MED13L: variants seen among roughly 807,000 people sequenced by gnomAD.
MED13L encodes mediator complex subunit 13L, also known as mediator of RNA polymerase II transcription subunit 13-like.
In MED13L, 7 loss-of-function variants were observed where a neutral mutation model predicts 220.9. The observed-to-expected ratio is 0.03, with a 90% CI of 0.02 to 0.06. MED13L has a LOEUF of 0.06. MED13L is among the 10% of genes least tolerant of loss of function. The probability of loss-of-function intolerance (pLI) is 1.00; values close to 1 mark genes in which losing one functional copy is unlikely to be tolerated. For synonymous variants in MED13L, 1,011 were observed against 1,015.2 expected, an observed-to-expected ratio of 1.00 and a Z score of 0.08; for missense variants, 1,965 against 2,760.5, an observed-to-expected ratio of 0.71 and a Z score of 6.46.
Position 116,062,784 on chromosome 12 carries a change from T to C in MED13L, c.479+33885A>G, listed in dbSNP as rs186478786. Among the ~76,000 whole-genome samples, 459 of 152,212 alleles carry C rather than the reference T, an allele frequency of 3.0e-3. 1 individual carries two copies. Among genetic ancestry groups the C allele is most frequent in the African/African-American group, 0.011 (438 of 41,534 alleles). On this transcript the variant is annotated intron_variant, in intron 4 of 30. Coordinates refer to ENST00000281928, the MANE Select transcript of MED13L (RefSeq NM_015335.5). ...AAAACAGAGGGGGAAAACACCAAAG[T>C]GGCCCAGGTTGGAGTGAAAGCTTTT...
At chr12:116,096,069 T>G (rs1042298903) in intron 4 of MED13L, among the ~76,000 whole-genome samples, 1 of 152,058 alleles carries the variant, frequency 6.6e-6, no homozygotes, top group African/African-American at 2.4e-5. Context: ...AAATCAATGA[T>G]GAGGCCGGGC....
chr12:116,097,252 T>G (rs1228806483), intron 3 of MED13L, among the ~76,000 whole-genome samples: 1 of 152,048 alleles, frequency 6.6e-6, no homozygotes, highest in Non-Finnish European at 1.5e-5. Flanking sequence ...TTCAAGTGAT[T>G]CTCCTGTCTC....
rs1241146631 is a variant in MED13L at position 116,008,449 on chromosome 12, C to T, written c.1964G>A (p.Arg655Lys). The T allele has an allele frequency of 1.2e-6, 2 of 1,612,814 alleles. No individual in the cohort carries two copies. Among genetic ancestry groups the T allele is most frequent in the Non-Finnish European group, 1.7e-6 (2 of 1,179,900 alleles). The change falls in exon 10 of 31, where the codon AGA (arginine) becomes AAA (lysine). Residue 655 changes from arginine to lysine, a missense_variant. Arg to Lys is a conservative substitution (Grantham distance 26). Coordinates refer to ENST00000281928, the MANE Select transcript of MED13L (RefSeq NM_015335.5). ...GTTTACCTCCATTTTGGCATCACAT[C>T]TCTCACCCTGGAGCTCTGGAGGCCT... ...EFRPPELQGE[R>K]CDAKMEVNSE...
chr12:116,067,353 G>A (rs1176550904), intron 4 of MED13L, among the ~76,000 whole-genome samples: 8 of 152,140 alleles, frequency 5.3e-5, no homozygotes, highest in Admixed American at 3.9e-4. Context: ...AAGCATATAT[G>A]AAGTTGGAAT....
intron 1 of MED13L, among the ~76,000 whole-genome samples, chr12:116,254,240 C>A (rs1478239803): frequency 1.3e-5 from 2 of 151,860 alleles, no homozygotes; most frequent in Non-Finnish European, 2.9e-5. Flanking sequence ...CTAATCAATG[C>A]AATGAAGCAA....
intron 1 of MED13L, among the ~76,000 whole-genome samples, chr12:116,273,400 T>A (rs1241645141): frequency 6.6e-6 from 1 of 152,066 alleles, no homozygotes; most frequent in Non-Finnish European, 1.5e-5. Flanking sequence ...TACAAAAAAA[T>A]ACCTTGTGTA....
intron 4 of MED13L, among the ~76,000 whole-genome samples, chr12:116,029,760 T>G (rs958845851): frequency 3.3e-5 from 5 of 152,146 alleles, no homozygotes; most frequent in African/African-American, 1.2e-4. Flanking sequence ...AAAATTTGAA[T>G]AAGAAGAAAC....
At chr12:116,049,768 G>A (rs1365913586) in intron 4 of MED13L, among the ~76,000 whole-genome samples, 4 of 152,126 alleles carry the variant, frequency 2.6e-5, no homozygotes, top group African/African-American at 7.2e-5. Context: ...ATACCACACA[G>A]TGGAAGAAAA....
At chr12:116,158,112 G>A (rs1458978835) in intron 2 of MED13L, among the ~76,000 whole-genome samples, 2 of 150,270 alleles carry the variant, frequency 1.3e-5, no homozygotes, top group African/African-American at 4.9e-5. Flanking sequence ...AACCCAAACA[G>A]GAAACAGATG....
intron 2 of MED13L, among the ~76,000 whole-genome samples, chr12:116,147,987 G>A (rs1877677503): frequency 7.0e-6 from 1 of 142,076 alleles, no homozygotes; most frequent in Non-Finnish European, 1.5e-5. Flanking sequence ...GGAGGCAGGA[G>A]GTTGCAGTGA....
intron 1 of MED13L, among the ~76,000 whole-genome samples, chr12:116,243,427 TAAAC>T (rs1041637647): frequency 2.6e-5 from 4 of 152,280 alleles, no homozygotes; most frequent in African/African-American, 7.2e-5. Flanking sequence ...TCCCCTGGCC[TAAAC>T]AAACAGCTAC....
At chr12:116,169,104 A>C (rs1274652495) in intron 2 of MED13L, 1 of 152,672 alleles carries the variant, frequency 6.5e-6, no homozygotes, top group Non-Finnish European at 1.5e-5. Context: ...ACTGAGACTA[A>C]ATGATGGCAG....
intron 2 of MED13L, among the ~76,000 whole-genome samples, chr12:116,220,660 T>C (rs950012532): frequency 6.6e-5 from 10 of 152,078 alleles, no homozygotes; most frequent in Admixed American, 2.0e-4. Flanking sequence ...GATTGTGCCA[T>C]TGCACTCCAG....
rs1412585812 is a variant in MED13L, at chr12:115,961,102, A to G, written c.*164T>C. 53 of 926,906 alleles carry G rather than the reference A, an allele frequency of 5.7e-5. No homozygotes were observed. The Admixed American group carries it at 1.1e-3, about 18-fold the overall frequency. 57.4% of individuals were successfully genotyped at this position (926,906 alleles called of 1,614,324 possible). A position where few individuals can be genotyped will look rare whatever the true frequency, so the allele number is the denominator to read the frequency against. On this transcript the variant is annotated 3_prime_UTR_variant, in exon 31 of 31. Coordinates refer to ENST00000281928, the MANE Select transcript of MED13L (RefSeq NM_015335.5). ...TGTCAAGGAGTCACTCTGGTAATGA[A>G]CACTGCAGAATTGACATGTGCCTGC...
Position 116,007,645 on chromosome 12 carries a change from CAA to C in MED13L, c.2013-11_2013-10del, listed in dbSNP as rs542425590. 37,197 of 737,140 alleles carry C rather than the reference CAA, an allele frequency of 0.05. No individual in the cohort carries two copies. Among genetic ancestry groups the C allele is most frequent in the East Asian group, 0.054 (1,501 of 27,854 alleles). The allele number at this position is 737,140 out of a possible 1,614,324, so 45.7% of individuals were successfully genotyped here. A position where few individuals can be genotyped will look rare whatever the true frequency, so the allele number is the denominator to read the frequency against. ...TAGGTTGTGCTAAGAGTCTAAAAGA[CAA>C]AAAAAAAAAAAAAAAAAAGAGCATT... On this transcript the variant is annotated splice_polypyrimidine_tract_variant and intron_variant, in intron 10 of 30. Transcript: ENST00000281928.
intron 3 of MED13L, chr12:116,110,390 G>GA (rs1873981983): frequency 1.4e-5 from 2 of 144,310 alleles, no homozygotes; most frequent in Non-Finnish European, 3.0e-5. Context: ...AATAAATAAG[G>GA]AAATAAAATG....
intron 2 of MED13L, among the ~76,000 whole-genome samples, chr12:116,128,175 C>A (rs577637636): frequency 2.6e-5 from 4 of 152,128 alleles, no homozygotes; most frequent in Non-Finnish European, 5.9e-5. Flanking sequence ...AATGTCAGCA[C>A]GATATGTACA....
At chr12:116,148,954 T>C (rs544770030) in intron 2 of MED13L, among the ~76,000 whole-genome samples, 8 of 152,322 alleles carry the variant, frequency 5.3e-5, no homozygotes, top group African/African-American at 1.4e-4. Context: ...AATAGTCTAA[T>C]GATCTTATAA....
At chr12:116,046,928 G>A (rs1011278915) in intron 4 of MED13L, among the ~76,000 whole-genome samples, 3 of 152,128 alleles carry the variant, frequency 2.0e-5, no homozygotes, top group Non-Finnish European at 2.9e-5. Flanking sequence ...AGCTGAGATC[G>A]CACCAATGCA....
Sources: gnomAD v4.1 joint callset for allele counts (sites outside exome capture counted in the v4.1 genomes callset) on GRCh38, gnomAD v4.1.1 for gene constraint, MANE v1.5 for transcripts, NCBI Gene and HGNC (gene_info 2026-07-23, HGNC 2026-07-21) for gene names.